The following CELF2 variants were observed in gnomAD, a reference collection of about 807,000 sequenced individuals.
CELF2 encodes the protein CUG triplet repeat RNA-binding protein 2.
Under a neutral mutation model 62.6 loss-of-function variants are expected in CELF2, and 8 were observed. The observed-to-expected ratio is 0.13, with a 90% confidence interval of 0.07 to 0.23. The LOEUF is 0.23. Among genes scored for constraint, CELF2 ranks in the 10% least tolerant of loss-of-function variants. CELF2 has a pLI of 1.00. For synonymous variants in CELF2, 258 were observed against 250.0 expected, an observed-to-expected ratio of 1.03 and a Z score of -0.30; for missense variants, 333 against 671.0, an observed-to-expected ratio of 0.50 and a Z score of 5.56.
chr10:10,820,093 C>T (rs763809530), intron 1 of CELF2, among the ~76,000 whole-genome samples: 7 of 152,072 alleles, frequency 4.6e-5, no homozygotes, highest in Admixed American at 6.5e-5. Flanking sequence ...AGAGGGTTTC[C>T]GCTTTTGCTT....
the CELF2 span, among the ~76,000 whole-genome samples, chr10:10,645,649 G>C: frequency 6.6e-6 from 1 of 152,128 alleles, no homozygotes; most frequent in African/African-American, 2.4e-5. Context: ...GCAAGACTTT[G>C]TCTCAAAAAA....
At chr10:10,864,028 C>T (rs1023006012) in intron 1 of CELF2, among the ~76,000 whole-genome samples, 2 of 152,160 alleles carry the variant, frequency 1.3e-5, no homozygotes, top group African/African-American at 4.8e-5. Flanking sequence ...CTTGTTCAAA[C>T]AAACTTTTTA....
rs2096087644 is a variant in CELF2, at chr10:11,334,754, C to G, written c.*5701C>G. On this transcript the variant is annotated 3_prime_UTR_variant, in exon 13 of 13. Coordinates refer to ENST00000633077, the MANE Select transcript of CELF2 (RefSeq NM_001326342.2). ...AAACTGCTGCGGGGTTTCCTCTCCA[C>G]ACCCACGAGGCCAAACCCGCATCAT... 1 of 152,192 alleles carries G rather than the reference C, an allele frequency of 6.6e-6. No individual in the cohort carries two copies. The highest frequency in any genetic ancestry group is 1.5e-5 in the Non-Finnish European group (1 of 68,042). The allele number at this position is 152,192 out of a possible 1,614,324, so 9.4% of individuals were successfully genotyped here.
At chr10:10,766,647 G>A in the CELF2 span, among the ~76,000 whole-genome samples, 1 of 152,198 alleles carries the variant, frequency 6.6e-6, no homozygotes, top group African/African-American at 2.4e-5. Flanking sequence ...AGCCTATGCT[G>A]CTGGGCTGAG....
At chr10:10,985,616 A>G (rs1023170580) in intron 2 of CELF2, among the ~76,000 whole-genome samples, 2 of 152,232 alleles carry the variant, frequency 1.3e-5, no homozygotes. Context: ...AGGCTGGTTC[A>G]TGCTAGAAAC....
intron 1 of CELF2, among the ~76,000 whole-genome samples, chr10:10,833,013 C>CTGTGTGTGTG (rs71378768): frequency 0.037 from 5,293 of 144,554 alleles, 116 homozygotes; most frequent in Non-Finnish European, 0.042. Flanking sequence ...ACAGAAAACT[C>CTGTGTGTGTG]TGTGTGTGTG....
chr10:10,776,841 A>T, the CELF2 span, among the ~76,000 whole-genome samples: 13 of 152,170 alleles, frequency 8.5e-5, no homozygotes, highest in African/African-American at 2.7e-4. Context: ...TATTTTCCCC[A>T]TTGGCCAGCG....
At chr10:10,719,495 G>A in the CELF2 span, among the ~76,000 whole-genome samples, 1 of 152,014 alleles carries the variant, frequency 6.6e-6, no homozygotes, top group African/African-American at 2.4e-5. Flanking sequence ...GTAACTCCTG[G>A]CCTCAAGACA....
chr10:11,235,831 G>A (rs979340469), intron 3 of CELF2, among the ~76,000 whole-genome samples: 1 of 151,978 alleles, frequency 6.6e-6, no homozygotes, highest in East Asian at 1.9e-4. Flanking sequence ...GGACAGCCTT[G>A]TTTGTTTAAA....
At chr10:11,151,272 G>C (rs564171595) in intron 1 of CELF2, among the ~76,000 whole-genome samples, 1 of 152,214 alleles carries the variant, frequency 6.6e-6, no homozygotes, top group Admixed American at 6.5e-5. Flanking sequence ...TTACCACTTT[G>C]GCCCCTATTA....
At chr10:10,921,329 G>T (rs1430526379) in intron 2 of CELF2, among the ~76,000 whole-genome samples, 1 of 151,008 alleles carries the variant, frequency 6.6e-6, no homozygotes, top group East Asian at 2.0e-4. Flanking sequence ...GAGTGCAGTG[G>T]CACGATCTCG....
chr10:11,055,734 G>T (rs545898771), intron 1 of CELF2, among the ~76,000 whole-genome samples: 1 of 152,320 alleles, frequency 6.6e-6, no homozygotes, highest in South Asian at 2.1e-4. Context: ...AGACTATTCT[G>T]TAGGCCCAGT....
intron 1 of CELF2, among the ~76,000 whole-genome samples, chr10:11,070,891 C>T (rs1417254525): frequency 6.6e-6 from 1 of 152,032 alleles, no homozygotes; most frequent in Non-Finnish European, 1.5e-5. Flanking sequence ...ACTTGGTAAC[C>T]TTAGTGGGAG....
the CELF2 span, among the ~76,000 whole-genome samples, chr10:10,716,481 C>T: frequency 6.6e-6 from 1 of 152,090 alleles, no homozygotes; most frequent in African/African-American, 2.4e-5. Context: ...GTCGAGGCCT[C>T]AGTGAGCTGA....
At chr10:11,087,064 T>TC (rs1311620129) in intron 1 of CELF2, among the ~76,000 whole-genome samples, 1 of 152,150 alleles carries the variant, frequency 6.6e-6, no homozygotes, top group Non-Finnish European at 1.5e-5. Flanking sequence ...AGTTCCAGTC[T>TC]CTAGATGGTG....
the CELF2 span, among the ~76,000 whole-genome samples, chr10:10,593,741 A>G: frequency 6.6e-6 from 1 of 152,308 alleles, no homozygotes; most frequent in Admixed American, 6.5e-5. Flanking sequence ...CCTGATTTCA[A>G]ATAAATCATT....
the CELF2 span, among the ~76,000 whole-genome samples, chr10:10,682,915 A>ACCC: frequency 3.7e-4 from 56 of 152,254 alleles, no homozygotes; most frequent in Admixed American, 6.5e-4. Context: ...TTGAGAATGG[A>ACCC]AGCAGTCAGC....
At chr10:10,585,852 A>G in the CELF2 span, among the ~76,000 whole-genome samples, 1 of 152,194 alleles carries the variant, frequency 6.6e-6, no homozygotes, top group African/African-American at 2.4e-5. Flanking sequence ...AGCAACTGGG[A>G]AGAAAAATTT....
At chr10:11,162,591 G>A (rs2065968360) in intron 1 of CELF2, among the ~76,000 whole-genome samples, 1 of 148,866 alleles carries the variant, frequency 6.7e-6, no homozygotes. Flanking sequence ...AGGTTTCAAA[G>A]TAGCCTAAAC....
Sources: gnomAD v4.1 joint callset for allele counts (sites outside exome capture counted in the v4.1 genomes callset) on GRCh38, gnomAD v4.1.1 for gene constraint, MANE v1.5 for transcripts, NCBI Gene and HGNC (gene_info 2026-07-23, HGNC 2026-07-21) for gene names.